The following MROH1 variants were observed in gnomAD, a reference collection of about 807,000 sequenced individuals.
MROH1 encodes maestro heat-like repeat-containing protein family member 1.
In MROH1, 117 loss-of-function variants were observed where a neutral mutation model predicts 116.5. The observed-to-expected ratio is 1.00, with a 90% CI of 0.86 to 1.17. The LOEUF is 1.17. Ranked by LOEUF, MROH1 falls within the 50% of genes most tolerant of loss-of-function variation. The pLI is 0.00. For missense variants in MROH1, 1,873 were observed against 1,338.5 expected, an observed-to-expected ratio of 1.40 and a Z score of -6.23; for synonymous variants, 921 against 583.9, an observed-to-expected ratio of 1.58 and a Z score of -8.32.
rs150519217 is a variant in MROH1, at chr8:144,211,640, C to T, written c.1142-8960C>T. ...AATCCAGGAGGCTGAGGCAGAGAATCGCTTAAACCCAGGAGACAGAGGCTG... is the reference window on the plus strand; with the variant it reads ...AATCCAGGAGGCTGAGGCAGAGAATTGCTTAAACCCAGGAGACAGAGGCTG... On this transcript the variant is annotated intron_variant, in intron 12 of 43. Transcript: ENST00000326134. Among the ~76,000 whole-genome samples the T allele has an allele frequency of 1.8e-3, 268 of 151,716 alleles. 1 individual carries two copies. The highest frequency in any genetic ancestry group is 6.1e-3 in the African/African-American group (252 of 41,322).
intron 33 of MROH1, chr8:144,251,936 TCCTCCTTGCC>T: frequency 4.7e-6 from 1 of 212,722 alleles, no homozygotes; most frequent in Non-Finnish European, 9.7e-6. Context: ...TGCCCATCCT[TCCTCCTTGCC>T]AGGTAGTGCC....
rs1296975679 is a variant in MROH1, at chr8:144,197,501, T to C, written c.949-1621T>C. 2.2e-5 allele frequency among the ~76,000 whole-genome samples: 3 copies of C among 133,702 alleles called. No homozygotes were observed. The East Asian group carries it at 7.1e-4, about 32-fold the overall frequency. The allele number at this position is 133,702 out of a possible 152,430, so 87.7% of individuals were successfully genotyped here. On this transcript the variant is annotated intron_variant, in intron 10 of 43. Transcript: ENST00000326134. ...CCCAGGCTGGAGTGCAGTGGCGCGA[T>C]CTTGGCTCACTGCAAGCTCTGCCTC...
At chr8:144,239,782 A>G (rs1840656090) in intron 18 of MROH1, 27 bp downstream of exon 18, 1 of 716,688 alleles carries the variant, frequency 1.4e-6, no homozygotes, top group Non-Finnish European at 2.6e-6. Flanking sequence ...GATGGGGTGC[A>G]TAGCCCTGTG....
chr8:144,181,207 C>G (rs1825546349), intron 7 of MROH1, among the ~76,000 whole-genome samples: 1 of 145,668 alleles, frequency 6.9e-6, no homozygotes, highest in Non-Finnish European at 1.5e-5. Context: ...CCCAGGGGAC[C>G]AGCCCTCGTA....
chr8:144,165,668 G>A (rs1820631555), intron 3 of MROH1, among the ~76,000 whole-genome samples: 1 of 151,794 alleles, frequency 6.6e-6, no homozygotes, highest in African/African-American at 2.4e-5. Context: ...TCTGCCTCCT[G>A]TCCTCAAGGG....
chr8:144,256,574 G>A (rs1843852620), intron 35 of MROH1, among the ~76,000 whole-genome samples: 2 of 152,216 alleles, frequency 1.3e-5, no homozygotes, highest in Non-Finnish European at 2.9e-5. Context: ...AATGGGATGG[G>A]GCAGCCACCA....
At position 144,239,676 on chromosome 8, in the gene MROH1, T is replaced by C. The variant is rs1840641230; in HGVS notation, c.1695T>C (p.Ser565=). The change falls in exon 18 of 44, where the codon AGT becomes AGC. Residue 565 remains serine (S), a synonymous_variant. Coordinates refer to ENST00000326134, the MANE Select transcript of MROH1 (RefSeq NM_032450.3). ...GRGAAALRLL[S]VLHPNIHPLL... ...GGGCAGCGGCGCTGCGCCTCCTCAG[T>C]GTTCTGCACCCAAACATTCACCCTT... The C allele has an allele frequency of 2.6e-6, 2 of 755,368 alleles. No homozygotes were observed. Among genetic ancestry groups the C allele is most frequent in the African/African-American group, 1.7e-5 (1 of 58,632 alleles). The allele number at this position is 755,368 out of a possible 1,614,324, so 46.8% of individuals were successfully genotyped here. A position where few individuals can be genotyped will look rare whatever the true frequency, so the allele number is the denominator to read the frequency against.
chr8:144,169,367 G>A (rs866307859), intron 4 of MROH1, among the ~76,000 whole-genome samples: 14 of 152,150 alleles, frequency 9.2e-5, no homozygotes, highest in Middle Eastern at 3.4e-3. Flanking sequence ...GGCACTTCCT[G>A]GGGCAGGGTC....
At chr8:144,196,290 C>CAA (rs35458137) in intron 10 of MROH1, among the ~76,000 whole-genome samples, 87 of 129,038 alleles carry the variant, frequency 6.7e-4, no homozygotes, top group Admixed American at 1.2e-3. Flanking sequence ...ATTCCGTCTC[C>CAA]AAAAAAAAAA....
At chr8:144,189,754 C>T (rs183882020) in intron 7 of MROH1, among the ~76,000 whole-genome samples, 1 of 152,332 alleles carries the variant, frequency 6.6e-6, no homozygotes, top group African/African-American at 2.4e-5. Flanking sequence ...ACACTGTGCC[C>T]AGCACGGCAG....
intron 5 of MROH1, 41 bp downstream of exon 5, chr8:144,179,627 C>G: frequency 1.3e-6 from 2 of 1,569,506 alleles, no homozygotes; most frequent in South Asian, 1.2e-5. Context: ...TCAGGCCTAG[C>G]TTGGGAAGGG....
Position 144,199,293 on chromosome 8 carries a change from C to T in MROH1, c.1027+93C>T, listed in dbSNP as rs530244707. 45 of 1,357,610 alleles carry T rather than the reference C, an allele frequency of 3.3e-5. No homozygotes were observed. In the Admixed American group the frequency reaches 3.3e-4, roughly 10 times the overall value. 84.1% of individuals were successfully genotyped at this position (1,357,610 alleles called of 1,614,324 possible). A position where few individuals can be genotyped will look rare whatever the true frequency, so the allele number is the denominator to read the frequency against. ...GTGGAGGATGGTGGTGGCTGGGGTACTGGTCGGGGATGAGGAGGCCCCTGT... is the reference window on the plus strand; with the variant it reads ...GTGGAGGATGGTGGTGGCTGGGGTATTGGTCGGGGATGAGGAGGCCCCTGT... On this transcript the variant is annotated intron_variant, in intron 11 of 43. Transcript: ENST00000326134.
intron 7 of MROH1, among the ~76,000 whole-genome samples, chr8:144,187,837 G>C (rs1263675255): frequency 6.6e-6 from 1 of 152,216 alleles, no homozygotes; most frequent in Admixed American, 6.5e-5. Flanking sequence ...CTCTTGCAGG[G>C]TTGCTGCAGG....
intron 12 of MROH1, among the ~76,000 whole-genome samples, chr8:144,202,173 G>T (rs1218906135): frequency 6.6e-6 from 1 of 152,178 alleles, no homozygotes; most frequent in East Asian, 1.9e-4. Context: ...AAGTCCTGCT[G>T]CTTTGGGCGT....
intron 34 of MROH1, among the ~76,000 whole-genome samples, chr8:144,255,222 G>C (rs1231889211): frequency 6.6e-6 from 1 of 152,250 alleles, no homozygotes; most frequent in Admixed American, 6.5e-5. Flanking sequence ...GTTTTAAGCA[G>C]TAAAGCAGCT....
At chr8:144,213,309 G>T (rs1290013130) in intron 12 of MROH1, 1 of 496,636 alleles carries the variant, frequency 2.0e-6, no homozygotes, top group Non-Finnish European at 3.6e-6. Flanking sequence ...TCGACCTCAT[G>T]CTTGCTGATC....
intron 12 of MROH1, among the ~76,000 whole-genome samples, chr8:144,218,153 G>A (rs1156600785): frequency 6.6e-6 from 1 of 152,198 alleles, no homozygotes; most frequent in African/African-American, 2.4e-5. Flanking sequence ...AGTGTGGTGT[G>A]TGCTTGGGCT....
intron 12 of MROH1, among the ~76,000 whole-genome samples, chr8:144,202,878 T>G (rs1391801116): frequency 2.1e-5 from 1 of 47,000 alleles, no homozygotes; most frequent in Non-Finnish European, 3.9e-5. Flanking sequence ...CCAATGTCTG[T>G]GGAGGGGCAG....
At chr8:144,153,781 GAC>G (rs1817401990) in intron 1 of MROH1, among the ~76,000 whole-genome samples, 1 of 151,996 alleles carries the variant, frequency 6.6e-6, no homozygotes, top group African/African-American at 2.4e-5. Context: ...TATTTTTTGA[GAC>G]AGAGTTTTGC....
Sources: gnomAD v4.1 joint callset for allele counts (sites outside exome capture counted in the v4.1 genomes callset) on GRCh38, gnomAD v4.1.1 for gene constraint, MANE v1.5 for transcripts, NCBI Gene and HGNC (gene_info 2026-07-23, HGNC 2026-07-21) for gene names.